Variants in PLCXD3 observed in about 807,000 individuals in gnomAD.
The protein encoded by PLCXD3 is phosphatidylinositol specific phospholipase C X domain containing 3.
PLCXD3 carries 19 observed loss-of-function variants against 25.5 expected under a neutral mutation model. That is an observed-to-expected ratio of 0.75 (90% CI 0.52 to 1.09). The LOEUF (loss-of-function observed/expected upper bound fraction) is 1.09, where lower values mean the gene tolerates loss of function less well. Ranked by LOEUF, PLCXD3 falls within the 50% of genes least tolerant of loss-of-function variation. The probability of loss-of-function intolerance (pLI) is 0.00; values close to 1 mark genes in which losing one functional copy is unlikely to be tolerated. For missense variants in PLCXD3, 411 were observed against 388.1 expected, an observed-to-expected ratio of 1.06 and a Z score of -0.50; for synonymous variants, 174 against 137.6, an observed-to-expected ratio of 1.26 and a Z score of -1.85.
chr5:41,480,997 A>T (rs531170234), intron 1 of PLCXD3, among the ~76,000 whole-genome samples: 11 of 151,690 alleles, frequency 7.3e-5, no homozygotes, highest in Non-Finnish European at 1.2e-4. Flanking sequence ...TGTTTCTGAA[A>T]GGGGTCAAAT....
intron 2 of PLCXD3, among the ~76,000 whole-genome samples, chr5:41,320,739 G>A (rs1043786690): frequency 3.9e-5 from 6 of 152,202 alleles, no homozygotes; most frequent in African/African-American, 7.2e-5. Context: ...CTCGTGATCC[G>A]TCCGCCTCGG....
intron 1 of PLCXD3, among the ~76,000 whole-genome samples, chr5:41,474,963 C>A (rs1748248465): frequency 6.6e-6 from 1 of 152,186 alleles, no homozygotes; most frequent in South Asian, 2.1e-4. Context: ...TTTGCATTCT[C>A]AAAAGCTAGA....
rs745323567 is a variant in PLCXD3, at chr5:41,510,499, G to C, written c.28C>G (p.Leu10Val). 1 of 1,613,228 alleles carries C rather than the reference G, an allele frequency of 6.2e-7. No individual in the cohort carries two copies. Among genetic ancestry groups the C allele is most frequent in the Non-Finnish European group, 8.5e-7 (1 of 1,179,550 alleles). ...GTTGCCATCCAGTCGGCTAATTTCA[G>C]CTCGTTTTTCCCCTGAGACGAGGCC... MASSQGKNE[L>V]KLADWMATLP... Residue 10 changes from leucine to valine, a missense_variant, in exon 1 of 3, where the codon CTG becomes GTG. Physicochemically the swap from Leu to Val is conservative, Grantham distance 32. Coordinates refer to ENST00000377801, the MANE Select transcript of PLCXD3 (RefSeq NM_001005473.3).
chr5:41,454,748 C>G (rs1386117800), intron 1 of PLCXD3, among the ~76,000 whole-genome samples: 1 of 151,946 alleles, frequency 6.6e-6, no homozygotes, highest in Non-Finnish European at 1.5e-5. Flanking sequence ...ACCACCGGAA[C>G]TTAAGAGACA....
At chr5:41,431,967 C>T (rs1747119728) in intron 1 of PLCXD3, among the ~76,000 whole-genome samples, 1 of 152,080 alleles carries the variant, frequency 6.6e-6, no homozygotes. Flanking sequence ...CATGTGGGAC[C>T]TTGAGCAAGA....
chr5:41,480,813 C>A (rs1748393006), intron 1 of PLCXD3, among the ~76,000 whole-genome samples: 1 of 151,898 alleles, frequency 6.6e-6, no homozygotes, highest in Admixed American at 6.6e-5. Context: ...CCCAGCTACT[C>A]AGGAGGCTGA....
chr5:41,320,792 G>A (rs13360591), intron 2 of PLCXD3, among the ~76,000 whole-genome samples: 3,892 of 152,194 alleles, frequency 0.026, 163 homozygotes, highest in African/African-American at 0.088. Context: ...CACTGCGCCC[G>A]GCCACATATC....
Position 41,309,850 on chromosome 5 carries a change from T to G in PLCXD3, c.*3767A>C, listed in dbSNP as rs1031902056. ...CCTCACTTTTCATTGGTTTTCTAGT[T>G]ACTTTTCTCCTCTTAAATATTTAAA... On this transcript the variant is annotated 3_prime_UTR_variant, in exon 3 of 3. Transcript: ENST00000377801. The G allele has an allele frequency of 2.6e-5, 4 of 152,210 alleles. No individual in the cohort carries two copies. The highest frequency in any genetic ancestry group is 9.6e-5 in the African/African-American group (4 of 41,468). 9.4% of individuals were successfully genotyped at this position (152,210 alleles called of 1,614,324 possible).
chr5:41,479,907 A>T (rs1748361486), intron 1 of PLCXD3, among the ~76,000 whole-genome samples: 1 of 152,216 alleles, frequency 6.6e-6, no homozygotes, highest in African/African-American at 2.4e-5. Context: ...ATCACCTAGA[A>T]TATAGAAACT....
At chr5:41,330,743 C>T (rs1743776075) in intron 2 of PLCXD3, among the ~76,000 whole-genome samples, 1 of 152,090 alleles carries the variant, frequency 6.6e-6, no homozygotes, top group Non-Finnish European at 1.5e-5. Flanking sequence ...AAAGCTTATC[C>T]ACCATGATGA....
At chr5:41,318,480 A>AC (rs1420050633) in intron 2 of PLCXD3, among the ~76,000 whole-genome samples, 1 of 152,158 alleles carries the variant, frequency 6.6e-6, no homozygotes, top group Non-Finnish European at 1.5e-5. Context: ...TTATTAGTTT[A>AC]CTTTTTGTTT....
intron 1 of PLCXD3, among the ~76,000 whole-genome samples, chr5:41,411,738 T>G (rs1002120098): frequency 8.3e-6 from 1 of 120,912 alleles, no homozygotes; most frequent in African/African-American, 2.9e-5. Flanking sequence ...ATTTTATATT[T>G]TATAATTTTA....
intron 2 of PLCXD3, among the ~76,000 whole-genome samples, chr5:41,341,765 C>G (rs1011476582): frequency 6.6e-6 from 1 of 152,112 alleles, no homozygotes; most frequent in African/African-American, 2.4e-5. Context: ...GGAATCTCCC[C>G]GTGTTGCTAA....
chr5:41,489,432 T>C (rs1344903527), intron 1 of PLCXD3, among the ~76,000 whole-genome samples: 2 of 152,154 alleles, frequency 1.3e-5, no homozygotes, highest in African/African-American at 2.4e-5. Context: ...TGGTTCCATA[T>C]GAACTTTAAA....
At chr5:41,338,283 C>G (rs1182198993) in intron 2 of PLCXD3, among the ~76,000 whole-genome samples, 1 of 151,806 alleles carries the variant, frequency 6.6e-6, no homozygotes, top group Non-Finnish European at 1.5e-5. Flanking sequence ...AATGTTGAAG[C>G]CTCTTTGATG....
chr5:41,315,386 G>A (rs1294530917), intron 2 of PLCXD3, among the ~76,000 whole-genome samples: 9 of 151,834 alleles, frequency 5.9e-5, no homozygotes, highest in Non-Finnish European at 2.9e-5. Flanking sequence ...TATAAAAAAG[G>A]TAAGGTAGTT....
chr5:41,338,331 A>G (rs991646607), intron 2 of PLCXD3, among the ~76,000 whole-genome samples: 6 of 152,166 alleles, frequency 3.9e-5, no homozygotes, highest in Non-Finnish European at 7.3e-5. Context: ...GACCATTATC[A>G]TATTAAGAAC....
intron 1 of PLCXD3, among the ~76,000 whole-genome samples, chr5:41,425,099 C>A (rs1480048227): frequency 6.6e-6 from 1 of 152,050 alleles, no homozygotes; most frequent in East Asian, 1.9e-4. Flanking sequence ...GTAAATCTTT[C>A]TTTTAATCAT....
chr5:41,435,403 C>T, intron 1 of PLCXD3, among the ~76,000 whole-genome samples: 1 of 152,136 alleles, frequency 6.6e-6, no homozygotes, highest in East Asian at 1.9e-4. Context: ...GCCCTTGAAA[C>T]CTAAGATTAG....
Sources: gnomAD v4.1 joint callset for allele counts (sites outside exome capture counted in the v4.1 genomes callset) on GRCh38, gnomAD v4.1.1 for gene constraint, MANE v1.5 for transcripts, NCBI Gene and HGNC (gene_info 2026-07-23, HGNC 2026-07-21) for gene names.